The following USP7 variants were observed in gnomAD, a reference collection of about 807,000 sequenced individuals.
USP7 encodes the protein ubiquitin C-terminal hydrolase 7.
Under a neutral mutation model 162.9 loss-of-function variants are expected in USP7, and 9 were observed. That is an observed-to-expected ratio of 0.06 (90% CI 0.03 to 0.10). The LOEUF is 0.10. Among genes scored for constraint, USP7 ranks in the 10% least tolerant of loss-of-function variants. USP7 has a pLI of 1.00. For synonymous variants in USP7, 562 were observed against 475.9 expected (o/e 1.18, Z -2.35); for missense variants, 715 against 1,373.7 (o/e 0.52, Z 7.58).
At chr16:8,908,474 A>C (rs778515060) in intron 11 of USP7, 24 bp from the exon 12 acceptor site, 2 of 1,591,752 alleles carry the variant, frequency 1.3e-6, no homozygotes, top group South Asian at 2.3e-5. Context: ...AACAAATGCA[A>C]ATGTAGTTAG....
chr16:8,963,260 TG>T lies in USP7; in HGVS notation c.25del (p.Gln9SerfsTer9). MNHQQQQQ[Q>X]QKAGEQQLSE... Reference sequence around the variant, plus strand: ...CAACTGCTGCTCGCCCGCTTTCTGCTGCTGCTGCTGCTGCTGGTGGTTCATG... The same window carrying T: ...CAACTGCTGCTCGCCCGCTTTCTGCTCTGCTGCTGCTGCTGGTGGTTCATG... On this transcript the variant is annotated frameshift_variant, in exon 1 of 31. Coordinates refer to ENST00000344836, the MANE Select transcript of USP7 (RefSeq NM_003470.3). LOFTEE classifies it high-confidence loss of function. 1 of 1,358,404 alleles carries T rather than the reference TG, an allele frequency of 7.4e-7. No individual in the cohort carries two copies. The highest frequency in any genetic ancestry group is 1.5e-5 in the African/African-American group (1 of 65,144). 84.1% of individuals were successfully genotyped at this position (1,358,404 alleles called of 1,614,324 possible). A position where few individuals can be genotyped will look rare whatever the true frequency, so the allele number is the denominator to read the frequency against.
At chr16:8,897,782 C>G (rs2061712141) in intron 25 of USP7, among the ~76,000 whole-genome samples, 1 of 131,110 alleles carries the variant, frequency 7.6e-6, no homozygotes, top group African/African-American at 2.9e-5. Context: ...ACCTGTAATC[C>G]TAGCTACTTG....
intron 26 of USP7, among the ~76,000 whole-genome samples, chr16:8,896,609 T>A (rs2061684596): frequency 6.6e-6 from 1 of 151,976 alleles, no homozygotes; most frequent in South Asian, 2.1e-4. Flanking sequence ...AAATCAGGAG[T>A]CACCCCTTCC....
chr16:8,897,724 A>ACATATATATATAT (rs59369679), intron 25 of USP7, among the ~76,000 whole-genome samples: 49 of 19,444 alleles, frequency 2.5e-3, no homozygotes, highest in Middle Eastern at 0.062. Flanking sequence ...AAAAAAAAAA[A>ACATATATATATAT]AAATATATAT....
At position 8,921,200 on chromosome 16, in the gene USP7, T is replaced by G. The variant is rs754646361; in HGVS notation, c.479A>C (p.His160Pro). 1 of 1,614,088 alleles carries G rather than the reference T, an allele frequency of 6.2e-7. No homozygotes were observed. ...GGAAAATCCCCAATCATTTTCTTTA[T>G]GGAAGAACAAATGACTAATACGACG... ...FSRRISHLFF[H>P]KENDWGFSNF... is the part of the protein sequence containing the mutation. Residue 160 changes from histidine to proline, a missense_variant, in exon 4 of 31, where the codon CAT (histidine) becomes CCT (proline). This residue lies in a region of USP7 where 35 missense variants were observed against 101.0 expected (regional missense o/e 0.35). Coordinates refer to ENST00000344836, the MANE Select transcript of USP7 (RefSeq NM_003470.3).
chr16:8,922,115 T>A lies in USP7; in HGVS notation c.384-820A>T, dbSNP rs572618386. On this transcript the variant is annotated intron_variant, in intron 3 of 30. Coordinates refer to ENST00000344836, the MANE Select transcript of USP7 (RefSeq NM_003470.3). ...TAGCCCAAATACTCATCAGATCACA[T>A]CATAATGTGAACAGAAGAGGACAAC... Among the ~76,000 whole-genome samples the A allele has an allele frequency of 4.6e-5, 7 of 152,258 alleles. No homozygotes were observed. The South Asian group carries it at 1.5e-3, about 32-fold the overall frequency.
At chr16:8,894,896 G>A (rs1390037662) in intron 28 of USP7, 41 bp from the exon 29 acceptor site, 3 of 1,614,068 alleles carry the variant, frequency 1.9e-6, no homozygotes, top group Non-Finnish European at 2.5e-6. Flanking sequence ...GTCACTCCCA[G>A]CACCCCCAGG....
chr16:8,921,360 A>T, intron 3 of USP7, 65 bp from the exon 4 acceptor site: 2 of 1,566,426 alleles, frequency 1.3e-6, no homozygotes, highest in South Asian at 2.3e-5. Context: ...ATTTTTAAAG[A>T]CAGTAAACAT....
At chr16:8,941,862 G>A (rs931502915) in intron 1 of USP7, among the ~76,000 whole-genome samples, 2 of 152,204 alleles carry the variant, frequency 1.3e-5, no homozygotes, top group Non-Finnish European at 2.9e-5. Flanking sequence ...GGGTGGACAC[G>A]CCTCCTGGTC....
At chr16:8,935,054 A>G (rs1048877859) in intron 1 of USP7, among the ~76,000 whole-genome samples, 1 of 152,238 alleles carries the variant, frequency 6.6e-6, no homozygotes, top group Non-Finnish European at 1.5e-5. Context: ...GCCTTCTTTT[A>G]TTGTTCAAGA....
intron 18 of USP7, 60 bp from the exon 19 acceptor site, chr16:8,901,294 A>T: frequency 4.2e-6 from 5 of 1,189,856 alleles, no homozygotes; most frequent in Non-Finnish European, 6.0e-6. Flanking sequence ...TGCTTAAAAA[A>T]CAAAAAAACA....
intron 6 of USP7, among the ~76,000 whole-genome samples, chr16:8,917,652 T>C (rs914023499): frequency 6.6e-6 from 1 of 152,194 alleles, no homozygotes; most frequent in African/African-American, 2.4e-5. Flanking sequence ...GTGCTGGGAT[T>C]ATAGGCGAGA....
chr16:8,901,801 C>T, intron 18 of USP7: 1 of 417,734 alleles, frequency 2.4e-6, no homozygotes, highest in East Asian at 4.2e-5. Context: ...TGCAACCCTG[C>T]TCTTTAGGAT....
At chr16:8,915,163 T>C in intron 10 of USP7, 91 bp downstream of exon 10, 1 of 1,213,484 alleles carries the variant, frequency 8.2e-7, no homozygotes, top group Non-Finnish European at 1.2e-6. Flanking sequence ...GTGTTTAGAC[T>C]ATTTAAAAAA....
intron 1 of USP7, among the ~76,000 whole-genome samples, chr16:8,955,724 A>AAC: frequency 6.6e-6 from 1 of 151,908 alleles, no homozygotes; most frequent in South Asian, 2.1e-4. Flanking sequence ...AAAAAAAAAA[A>AAC]AACATTGCAC....
chr16:8,899,473 G>A, intron 22 of USP7, 131 bp downstream of exon 22: 1 of 1,174,384 alleles, frequency 8.5e-7, no homozygotes, highest in South Asian at 1.5e-5. Flanking sequence ...GAATCCATCA[G>A]TGGGAGATTT....
intron 27 of USP7, 112 bp from the exon 28 acceptor site, chr16:8,895,262 A>G: frequency 1.3e-6 from 2 of 1,511,904 alleles, no homozygotes; most frequent in East Asian, 4.6e-5. Flanking sequence ...TATTTTTGCT[A>G]AAAAAACGCC....
chr16:8,914,097 A>C (rs753170061), intron 10 of USP7, among the ~76,000 whole-genome samples: 2 of 152,128 alleles, frequency 1.3e-5, no homozygotes, highest in Non-Finnish European at 2.9e-5. Flanking sequence ...AGGAAAAAGA[A>C]AAGAAGCCAA....
At chr16:8,897,726 A>AAAAAAAAAAATATATAT (rs1555461671) in intron 25 of USP7, among the ~76,000 whole-genome samples, 1 of 7,138 alleles carries the variant, frequency 1.4e-4, no homozygotes, top group Non-Finnish European at 2.3e-4. Context: ...AAAAAAAAAA[A>AAAAAAAAAAATATATAT]ATATATATAT....
Sources: allele counts gnomAD v4.1 joint callset (sites outside exome capture counted in the v4.1 genomes callset), GRCh38; gene constraint gnomAD v4.1.1; regional missense constraint gnomAD v4.1.1; transcripts MANE v1.5; gene names NCBI Gene and HGNC (gene_info 2026-07-23, HGNC 2026-07-21).